XPO6: variants seen among roughly 807,000 people sequenced by gnomAD.
The protein encoded by XPO6 is exportin-6.
XPO6 carries 3 observed loss-of-function variants against 130.0 expected under a neutral mutation model. That is an observed-to-expected ratio of 0.02 (90% CI 0.01 to 0.06). The LOEUF (loss-of-function observed/expected upper bound fraction) is 0.06, where lower values mean the gene tolerates loss of function less well. XPO6 is among the 10% of genes least tolerant of loss of function. The pLI is 1.00. For synonymous variants in XPO6, 524 were observed against 548.9 expected, an observed-to-expected ratio of 0.95 and a Z score of 0.63; for missense variants, 970 against 1,393.0, an observed-to-expected ratio of 0.70 and a Z score of 4.83.
At chr16:28,163,313 CTG>C (rs1391380534) in intron 6 of XPO6, among the ~76,000 whole-genome samples, 2 of 152,240 alleles carry the variant, frequency 1.3e-5, no homozygotes, top group African/African-American at 4.8e-5. Context: ...AAACAGAAGA[CTG>C]GCCTCAATTC....
chr16:28,105,885 C>T (rs2086765428), intron 20 of XPO6, 158 bp downstream of exon 20: 2 of 1,080,608 alleles, frequency 1.9e-6, no homozygotes, highest in Non-Finnish European at 2.7e-6. Context: ...AAACACTGTA[C>T]CACACCACTA....
At position 28,169,972 on chromosome 16, in the gene XPO6, T is replaced by C. The variant is rs368722051; in HGVS notation, c.406-63A>G. The C allele has an allele frequency of 8.8e-6, 14 of 1,584,286 alleles. No homozygotes were observed. In the East Asian group the frequency reaches 2.0e-4, roughly 23 times the overall value. On this transcript the variant is annotated intron_variant, in intron 4 of 23. Coordinates refer to ENST00000304658, the MANE Select transcript of XPO6 (RefSeq NM_015171.4). ...CTAATAAAGTACAAAGAGGACTCAG[T>C]AGCATTAAAGCTATGAAGCATCTGT...
chr16:28,164,087 A>G (rs715337), intron 6 of XPO6, among the ~76,000 whole-genome samples: 87,494 of 152,096 alleles, frequency 0.58, 27,528 homozygotes, highest in South Asian at 0.72. Context: ...TTGTTCTTTA[A>G]AAGTAATAAG....
chr16:28,117,593 A>C (rs938272327), intron 14 of XPO6, 131 bp from the exon 15 acceptor site: 12 of 1,115,156 alleles, frequency 1.1e-5, no homozygotes, highest in African/African-American at 1.6e-5. Flanking sequence ...ACAGCATAGA[A>C]ATCATTTACC....
intron 2 of XPO6, chr16:28,179,236 CAT>C (rs2141868844): frequency 6.6e-6 from 1 of 152,300 alleles, no homozygotes; most frequent in African/African-American, 2.4e-5. Context: ...AGGGGGGAAA[CAT>C]ATTTTTGTAG....
intron 4 of XPO6, among the ~76,000 whole-genome samples, chr16:28,171,023 C>CA (rs1401054299): frequency 6.6e-6 from 1 of 150,674 alleles, no homozygotes; most frequent in African/African-American, 2.4e-5. Flanking sequence ...AAAAGCACTT[C>CA]AAGTTTTTCC....
intron 12 of XPO6, among the ~76,000 whole-genome samples, chr16:28,129,268 CT>C (rs749862118): frequency 6.6e-6 from 1 of 152,226 alleles, no homozygotes; most frequent in African/African-American, 2.4e-5. Flanking sequence ...TTGACACCCC[CT>C]CCTTCAGCCT....
chr16:28,146,246 T>C (rs1006299207), intron 8 of XPO6, 43 bp from the exon 9 acceptor site: 4 of 1,345,484 alleles, frequency 3.0e-6, no homozygotes, highest in East Asian at 2.3e-5. Flanking sequence ...TATTTAATGC[T>C]ACTATTCCTT....
At chr16:28,112,701 A>T (rs1019157764) in intron 16 of XPO6, among the ~76,000 whole-genome samples, 1 of 152,260 alleles carries the variant, frequency 6.6e-6, no homozygotes, top group Non-Finnish European at 1.5e-5. Context: ...CCACGCCTCA[A>T]TCAGCACACT....
chr16:28,107,233 G>A (rs369268574), intron 18 of XPO6, among the ~76,000 whole-genome samples: 4 of 152,162 alleles, frequency 2.6e-5, no homozygotes, highest in East Asian at 3.8e-4. Context: ...GAACGATCTC[G>A]GCAAATGCAC....
At chr16:28,166,720 C>T in intron 5 of XPO6, 135 bp from the exon 6 acceptor site, 5 of 1,477,252 alleles carry the variant, frequency 3.4e-6, no homozygotes, top group East Asian at 2.5e-5. Flanking sequence ...TGTCCTCCTC[C>T]AGCTAGCGGC....
intron 1 of XPO6, among the ~76,000 whole-genome samples, chr16:28,195,036 C>T (rs12102469): frequency 0.57 from 86,541 of 150,762 alleles, 27,251 homozygotes; most frequent in South Asian, 0.72. Flanking sequence ...CCCCCTTCCC[C>T]ACCCTCAGAG....
At chr16:28,125,624 T>C in intron 13 of XPO6, 65 bp downstream of exon 13, 1 of 1,558,556 alleles carries the variant, frequency 6.4e-7, no homozygotes, top group Non-Finnish European at 8.7e-7. Flanking sequence ...ATGCTGCCCC[T>C]CACACAAGAA....
At chr16:28,142,632 A>G (rs1444755937) in intron 9 of XPO6, among the ~76,000 whole-genome samples, 1 of 152,096 alleles carries the variant, frequency 6.6e-6, no homozygotes, top group Non-Finnish European at 1.5e-5. Flanking sequence ...GTGCAATGGC[A>G]TGATCATAGC....
chr16:28,181,518 G>T (rs1442971857), intron 1 of XPO6, among the ~76,000 whole-genome samples: 14 of 146,378 alleles, frequency 9.6e-5, no homozygotes, highest in Non-Finnish European at 1.7e-4. Context: ...AGGGAGAGTG[G>T]TTTTTTTTTT....
At chr16:28,201,300 AT>A (rs1469260731) in intron 1 of XPO6, among the ~76,000 whole-genome samples, 1 of 152,060 alleles carries the variant, frequency 6.6e-6, no homozygotes, top group Non-Finnish European at 1.5e-5. Context: ...TATTACTATC[AT>A]TTACTAACCT....
rs1442316356 is a variant in XPO6 at position 28,153,715 on chromosome 16, C to A, written c.1098-930G>T. ...ACCTTCATAAATCACATTTCAGAGA[C>A]CAACACAAAAAGGTAAAGACATACT... On this transcript the variant is annotated intron_variant, in intron 7 of 23. Transcript: ENST00000304658. 3 of 985,092 alleles carry A rather than the reference C, an allele frequency of 3.0e-6. No individual in the cohort carries two copies. In the African/African-American group the frequency reaches 5.3e-5, roughly 17 times the overall value. The allele number at this position is 985,092 out of a possible 1,614,324, so 61.0% of individuals were successfully genotyped here. A position where few individuals can be genotyped will look rare whatever the true frequency, so the allele number is the denominator to read the frequency against.
chr16:28,120,859 G>GGTACT (rs145700737), intron 14 of XPO6, among the ~76,000 whole-genome samples: 2,448 of 152,318 alleles, frequency 0.016, 35 homozygotes, highest in African/African-American at 0.048. Flanking sequence ...CACTGTCACA[G>GGTACT]CTACTCTACT....
chr16:28,206,830 C>A (rs2044038222), intron 1 of XPO6, among the ~76,000 whole-genome samples: 1 of 152,162 alleles, frequency 6.6e-6, no homozygotes, highest in Admixed American at 6.5e-5. Context: ...CTTCTTTGTA[C>A]CTCTGAGAGC....
Sources: allele counts gnomAD v4.1 joint callset (sites outside exome capture counted in the v4.1 genomes callset), GRCh38; gene constraint gnomAD v4.1.1; transcripts MANE v1.5; gene names NCBI Gene and HGNC (gene_info 2026-07-23, HGNC 2026-07-21).